The following CSMD1 variants were observed in gnomAD, a reference collection of about 807,000 sequenced individuals.
CSMD1 encodes CUB and Sushi multiple domains 1.
A neutral mutation model predicts 417.5 loss-of-function variants in CSMD1; 213 were observed. The observed-to-expected ratio is 0.51, with a 90% confidence interval of 0.46 to 0.57. The LOEUF (loss-of-function observed/expected upper bound fraction) is 0.57, where lower values mean the gene tolerates loss of function less well. Ranked by LOEUF, CSMD1 falls within the 20% of genes least tolerant of loss-of-function variation. CSMD1 has a pLI of 0.00. For missense variants in CSMD1, 6,923 were observed against 4,529.7 expected (o/e 1.53, Z -15.17); for synonymous variants, 2,862 against 1,736.8 (o/e 1.65, Z -16.11).
chr8:4,781,859 C>T (rs1441383272), intron 1 of CSMD1, among the ~76,000 whole-genome samples: 7 of 152,116 alleles, frequency 4.6e-5, no homozygotes, highest in South Asian at 2.1e-4. Context: ...GTTTACATAT[C>T]GAGAGGGTCA....
At chr8:4,822,160 T>C (rs1417993660) in intron 1 of CSMD1, among the ~76,000 whole-genome samples, 1 of 151,998 alleles carries the variant, frequency 6.6e-6, no homozygotes, top group African/African-American at 2.4e-5. Context: ...CCTCTGAATT[T>C]ACTTCTGTGA....
At chr8:3,714,987 C>G (rs1357312568) in intron 6 of CSMD1, among the ~76,000 whole-genome samples, 2 of 152,062 alleles carry the variant, frequency 1.3e-5, no homozygotes, top group Admixed American at 1.3e-4. Context: ...AAATTATTTT[C>G]TAATATTAGA....
intron 26 of CSMD1, among the ~76,000 whole-genome samples, chr8:3,267,358 A>G (rs939138967): frequency 3.3e-5 from 5 of 152,214 alleles, no homozygotes; most frequent in African/African-American, 7.2e-5. Context: ...AGGGGTGTTG[A>G]TGCATTGGAA....
At chr8:4,133,493 G>A (rs962802567) in intron 3 of CSMD1, among the ~76,000 whole-genome samples, 1 of 152,134 alleles carries the variant, frequency 6.6e-6, no homozygotes, top group Non-Finnish European at 1.5e-5. Context: ...TAGAAGAAAA[G>A]CCTGCCCTGC....
intron 3 of CSMD1, among the ~76,000 whole-genome samples, chr8:4,156,505 G>A (rs1470404532): frequency 6.6e-6 from 1 of 152,076 alleles, no homozygotes; most frequent in Non-Finnish European, 1.5e-5. Context: ...TCTTCCTTAT[G>A]TGTAATAAAG....
intron 3 of CSMD1, among the ~76,000 whole-genome samples, chr8:4,298,859 T>A (rs1187378310): frequency 6.6e-6 from 1 of 152,084 alleles, no homozygotes; most frequent in Non-Finnish European, 1.5e-5. Context: ...GAAATACTGG[T>A]ATAATTCTTT....
chr8:4,418,315 CAAAG>C (rs1389118830), intron 3 of CSMD1, among the ~76,000 whole-genome samples: 1 of 152,046 alleles, frequency 6.6e-6, no homozygotes, highest in Non-Finnish European at 1.5e-5. Flanking sequence ...TTTGGAGTAA[CAAAG>C]AAATATTTTT....
intron 50 of CSMD1, among the ~76,000 whole-genome samples, chr8:3,034,412 C>G (rs973113998): frequency 6.6e-6 from 1 of 152,064 alleles, no homozygotes; most frequent in Non-Finnish European, 1.5e-5. Context: ...AAACTGAAAG[C>G]TGAGAGGACT....
chr8:3,187,448 A>T (rs1443877074), intron 36 of CSMD1, among the ~76,000 whole-genome samples: 2 of 152,164 alleles, frequency 1.3e-5, no homozygotes, highest in African/African-American at 2.4e-5. Context: ...GCCTGGCTAC[A>T]TATGAGTAGG....
At chr8:4,096,648 G>C (rs948767574) in intron 3 of CSMD1, among the ~76,000 whole-genome samples, 5 of 152,146 alleles carry the variant, frequency 3.3e-5, no homozygotes, top group Admixed American at 6.5e-5. Flanking sequence ...TCTTTACTAA[G>C]ATATTTAGAT....
At chr8:3,812,852 C>T (rs1323488492) in intron 5 of CSMD1, among the ~76,000 whole-genome samples, 1 of 152,162 alleles carries the variant, frequency 6.6e-6, no homozygotes, top group South Asian at 2.1e-4. Flanking sequence ...TCATCACATC[C>T]TGAATTGGCC....
intron 41 of CSMD1, among the ~76,000 whole-genome samples, chr8:3,139,701 G>T (rs894626375): frequency 2.6e-5 from 4 of 152,194 alleles, no homozygotes; most frequent in African/African-American, 7.2e-5. Context: ...AGATATGTAC[G>T]TGTGTATGTG....
intron 10 of CSMD1, among the ~76,000 whole-genome samples, chr8:3,503,982 A>G (rs1796718571): frequency 6.6e-6 from 1 of 152,150 alleles, no homozygotes; most frequent in African/African-American, 2.4e-5. Context: ...ATTTTGGGGT[A>G]TGAAAGTCCA....
chr8:3,426,645 T>C (rs904375422), intron 12 of CSMD1, among the ~76,000 whole-genome samples: 2 of 152,222 alleles, frequency 1.3e-5, no homozygotes, highest in Non-Finnish European at 2.9e-5. Flanking sequence ...GATGCCATAA[T>C]TAACTTTTTA....
At chr8:3,307,854 G>T in intron 24 of CSMD1, 33 bp from the exon 25 acceptor site, 6 of 1,600,792 alleles carry the variant, frequency 3.7e-6, no homozygotes, top group Non-Finnish European at 5.1e-6. Context: ...GGAACGTTCA[G>T]CTTCAGGCAT....
chr8:3,030,377 G>A (rs1265859317), intron 50 of CSMD1, among the ~76,000 whole-genome samples: 1 of 151,930 alleles, frequency 6.6e-6, no homozygotes, highest in East Asian at 1.9e-4. Flanking sequence ...CAACCACCAA[G>A]AAAATTGATC....
chr8:4,411,743 G>A (rs942021018), intron 3 of CSMD1, among the ~76,000 whole-genome samples: 4 of 152,076 alleles, frequency 2.6e-5, no homozygotes, highest in Admixed American at 6.5e-5. Flanking sequence ...ACATATAGAC[G>A]TTCACATACC....
intron 2 of CSMD1, among the ~76,000 whole-genome samples, chr8:4,492,901 C>G (rs1485809409): frequency 2.6e-5 from 4 of 152,200 alleles, no homozygotes; most frequent in African/African-American, 7.2e-5. Context: ...TGGGCCTGTG[C>G]TATCAATTAG....
chr8:3,513,135 T>A lies in CSMD1; in HGVS notation c.1345-19409A>T, dbSNP rs545001054. 3.3e-5 allele frequency among the ~76,000 whole-genome samples: 5 copies of A among 151,952 alleles called. No homozygotes were observed. In the East Asian group the frequency reaches 7.7e-4, roughly 23 times the overall value. Reference sequence around the variant, plus strand: ...ATTGAATTATTATTATTATTTTTTTTTATATGCCTTTATGGATTCAGCTAC... The same window carrying A: ...ATTGAATTATTATTATTATTTTTTTATATATGCCTTTATGGATTCAGCTAC... On this transcript the variant is annotated intron_variant, in intron 10 of 69. Coordinates refer to ENST00000635120, the MANE Select transcript of CSMD1 (RefSeq NM_033225.6).
Sources: gnomAD v4.1 joint callset for allele counts (sites outside exome capture counted in the v4.1 genomes callset) on GRCh38, gnomAD v4.1.1 for gene constraint, MANE v1.5 for transcripts, NCBI Gene and HGNC (gene_info 2026-07-23, HGNC 2026-07-21) for gene names.